Variants in PCLO observed in about 807,000 individuals in gnomAD.
The protein encoded by PCLO is protein piccolo.
In PCLO, 82 loss-of-function variants were observed where a neutral mutation model predicts 427.5. That is an observed-to-expected ratio of 0.19 (90% CI 0.16 to 0.23). The LOEUF (loss-of-function observed/expected upper bound fraction) is 0.23, where lower values mean the gene tolerates loss of function less well. PCLO is among the 10% of genes least tolerant of loss of function. The probability of loss-of-function intolerance (pLI) is 1.00; values close to 1 mark genes in which losing one functional copy is unlikely to be tolerated. For missense variants in PCLO, 6,239 were observed against 6,115.9 expected (o/e 1.02, Z -0.67); for synonymous variants, 2,357 against 2,155.4 (o/e 1.09, Z -2.59).
intron 15 of PCLO, among the ~76,000 whole-genome samples, chr7:82,837,708 T>G (rs1176984797): frequency 6.6e-6 from 1 of 152,020 alleles, no homozygotes; most frequent in Non-Finnish European, 1.5e-5. Flanking sequence ...AATATCACTT[T>G]GTGCTATTTT....
Position 82,966,424 on chromosome 7 carries a change from T to G in PCLO, c.3364A>C (p.Ile1122Leu). Residue 1122 changes from isoleucine (I) to leucine (L), a missense_variant, in exon 4 of 25, where the codon ATA (isoleucine) becomes CTA (leucine). Physicochemically the swap from Ile to Leu is conservative, Grantham distance 5. This residue lies in a region of PCLO where 4,677 missense variants were observed against 4,468.4 expected (regional missense o/e 1.05). Coordinates refer to ENST00000333891, the MANE Select transcript of PCLO (RefSeq NM_033026.6). ...GATGGTGCAGGTGGCATTTTGCGTA[T>G]GTCTCCAAGCTGTCCTGATATTGCT... ...QRAISGQLGDIRKMPPAPSGP... is the reference protein window; with the variant it reads ...QRAISGQLGDLRKMPPAPSGP... The G allele has an allele frequency of 6.2e-7, 1 of 1,613,266 alleles. No individual in the cohort carries two copies. The highest frequency in any genetic ancestry group is 8.5e-7 in the Non-Finnish European group (1 of 1,179,676).
At chr7:83,056,354 A>G (rs1004202162) in intron 3 of PCLO, among the ~76,000 whole-genome samples, 6 of 152,216 alleles carry the variant, frequency 3.9e-5, no homozygotes, top group Non-Finnish European at 7.3e-5. Flanking sequence ...AACAGACAAC[A>G]AACAGACTTC....
Position 82,956,835 on chromosome 7 carries a change from G to A in PCLO, c.4118C>T (p.Ser1373Leu). The change falls in exon 5 of 25, where the codon TCA becomes TTA. Residue 1373 changes from serine (S) to leucine (L), a missense_variant. Physicochemically the swap from Ser to Leu is moderately radical, Grantham distance 145. Coordinates refer to ENST00000333891, the MANE Select transcript of PCLO (RefSeq NM_033026.6). Reference protein sequence around the residue: ...TGYSSDGISSSLGEIPSLIPT... With the variant: ...TGYSSDGISSLLGEIPSLIPT... ...AATAAGACTTGGAATTTCACCAAGTGAGCTTGATATTCCATCGGAAGAATA... is the reference window on the plus strand; with the variant it reads ...AATAAGACTTGGAATTTCACCAAGTAAGCTTGATATTCCATCGGAAGAATA... 1 of 1,613,710 alleles carries A rather than the reference G, an allele frequency of 6.2e-7. No individual in the cohort carries two copies. Among genetic ancestry groups the A allele is most frequent in the East Asian group, 2.2e-5 (1 of 44,860 alleles).
At chr7:82,821,864 A>C (rs951081848) in intron 20 of PCLO, 3 of 982,916 alleles carry the variant, frequency 3.1e-6, no homozygotes, top group African/African-American at 3.5e-5. Flanking sequence ...AATGTAAGAA[A>C]TAAGATTTTC....
intron 2 of PCLO, among the ~76,000 whole-genome samples, chr7:83,144,828 G>A (rs952209606): frequency 6.6e-6 from 1 of 152,078 alleles, no homozygotes; most frequent in Non-Finnish European, 1.5e-5. Context: ...TACAGAACAT[G>A]TTCACATAGT....
At chr7:82,855,277 T>C (rs894800444) in intron 10 of PCLO, among the ~76,000 whole-genome samples, 4 of 152,152 alleles carry the variant, frequency 2.6e-5, no homozygotes, top group Non-Finnish European at 5.9e-5. Flanking sequence ...TAATCTGTTA[T>C]ACTATATATT....
chr7:83,057,356 T>A (rs1354512072), intron 3 of PCLO, among the ~76,000 whole-genome samples: 31 of 55,870 alleles, frequency 5.5e-4, no homozygotes, highest in African/African-American at 1.1e-3. Context: ...ATATTTTTTT[T>A]TTTTTTTTTT....
At chr7:82,803,684 A>T (rs904920094) in intron 21 of PCLO, among the ~76,000 whole-genome samples, 1 of 152,124 alleles carries the variant, frequency 6.6e-6, no homozygotes, top group African/African-American at 2.4e-5. Context: ...ACATTTTATA[A>T]TTTATATTTT....
At chr7:83,096,858 AAAATATATTATATAATAT>A (rs1464555780) in intron 3 of PCLO, among the ~76,000 whole-genome samples, 2 of 52,776 alleles carry the variant, frequency 3.8e-5, no homozygotes, top group African/African-American at 8.8e-5. Context: ...AATATATATA[AAAATATATTATATAATAT>A]AAATATATTA....
intron 3 of PCLO, among the ~76,000 whole-genome samples, chr7:83,115,297 A>G (rs1791104111): frequency 6.6e-6 from 1 of 152,104 alleles, no homozygotes; most frequent in South Asian, 2.1e-4. Flanking sequence ...TGAGATAATG[A>G]GAGTAACGGC....
intron 7 of PCLO, among the ~76,000 whole-genome samples, chr7:82,909,907 G>T (rs922925815): frequency 6.6e-6 from 1 of 152,060 alleles, no homozygotes; most frequent in Non-Finnish European, 1.5e-5. Context: ...TTTTGAAAAT[G>T]CAACTATATT....
intron 22 of PCLO, among the ~76,000 whole-genome samples, chr7:82,789,817 C>T (rs923913200): frequency 6.6e-6 from 1 of 152,182 alleles, no homozygotes; most frequent in African/African-American, 2.4e-5. Context: ...TTTATTTCTT[C>T]AAAATCCCGT....
intron 3 of PCLO, among the ~76,000 whole-genome samples, chr7:83,124,990 G>C (rs563500615): frequency 2.0e-5 from 3 of 152,138 alleles, no homozygotes; most frequent in Non-Finnish European, 4.4e-5. Flanking sequence ...TCCTGACCTC[G>C]AGTGATCTGC....
rs142841723 is a variant in PCLO, at chr7:82,937,490, C to A, written c.11112+11986G>T. On this transcript the variant is annotated intron_variant, in intron 6 of 24. Coordinates refer to ENST00000333891, the MANE Select transcript of PCLO (RefSeq NM_033026.6). ...AACTGTATTATTTCCCTGAACTATT[C>A]AAAATCTTTGGTATAGTGTTAACTA... 1.5e-3 allele frequency among the ~76,000 whole-genome samples: 224 copies of A among 151,708 alleles called. 1 individual carries two copies. The East Asian group carries it at 0.015, about 10-fold the overall frequency.
chr7:83,098,365 C>G (rs975980978), intron 3 of PCLO, among the ~76,000 whole-genome samples: 37 of 152,030 alleles, frequency 2.4e-4, no homozygotes, highest in African/African-American at 8.7e-4. Flanking sequence ...TGTTAATGAT[C>G]AAGTAACAAA....
At chr7:83,037,882 T>C (rs1788833884) in intron 3 of PCLO, among the ~76,000 whole-genome samples, 1 of 145,654 alleles carries the variant, frequency 6.9e-6, no homozygotes, top group African/African-American at 2.5e-5. Flanking sequence ...ATAAAGTGGA[T>C]ATTAACTGCT....
At chr7:83,007,362 A>G (rs1465341977) in intron 3 of PCLO, among the ~76,000 whole-genome samples, 1 of 151,544 alleles carries the variant, frequency 6.6e-6, no homozygotes, top group Non-Finnish European at 1.5e-5. Context: ...AGGTGAATAC[A>G]TTGTTGTGTA....
intron 3 of PCLO, among the ~76,000 whole-genome samples, chr7:83,093,492 ATT>A (rs1169852004): frequency 0.029 from 1,703 of 59,222 alleles, 55 homozygotes; most frequent in African/African-American, 0.089. Context: ...ATATATATAT[ATT>A]TTTTTTTTTT....
intron 22 of PCLO, among the ~76,000 whole-genome samples, chr7:82,770,322 A>C (rs1790623236): frequency 6.6e-6 from 1 of 152,062 alleles, no homozygotes. Context: ...GTGATATTTG[A>C]TATGTGTTTA....
Sources: allele counts gnomAD v4.1 joint callset (sites outside exome capture counted in the v4.1 genomes callset), GRCh38; gene constraint gnomAD v4.1.1; regional missense constraint gnomAD v4.1.1; transcripts MANE v1.5; gene names NCBI Gene and HGNC (gene_info 2026-07-23, HGNC 2026-07-21).